Variants in RYR3 observed in about 807,000 individuals in gnomAD.
RYR3 encodes the protein brain ryanodine receptor-calcium release channel.
A neutral mutation model predicts 584.3 loss-of-function variants in RYR3; 207 were observed. That is an observed-to-expected ratio of 0.35 (90% CI 0.32 to 0.40). The LOEUF (loss-of-function observed/expected upper bound fraction) is 0.40, where lower values mean the gene tolerates loss of function less well. Ranked by LOEUF, RYR3 falls within the 10% of genes least tolerant of loss-of-function variation. The probability of loss-of-function intolerance (pLI) is 1.00; values close to 1 mark genes in which losing one functional copy is unlikely to be tolerated. For missense variants in RYR3, 5,616 were observed against 6,089.2 expected (o/e 0.92, Z 2.59); for synonymous variants, 2,416 against 2,248.5 (o/e 1.07, Z -2.11).
Position 33,674,610 on chromosome 15 carries a change from G to A in RYR3, c.5860+4054G>A, listed in dbSNP as rs548510181. On this transcript the variant is annotated intron_variant, in intron 38 of 103. Transcript: ENST00000634891. ...AGGCTCATAAAAAAGAAGAAAACAG[G>A]GACCTTTCAGAAAAAGGAGGAAATG... 2.6e-5 allele frequency among the ~76,000 whole-genome samples: 4 copies of A among 152,140 alleles called. No individual in the cohort carries two copies. The East Asian group carries it at 7.7e-4, about 29-fold the overall frequency.
chr15:33,484,834 G>T (rs1462910841), intron 2 of RYR3, among the ~76,000 whole-genome samples: 1 of 152,144 alleles, frequency 6.6e-6, no homozygotes, highest in Non-Finnish European at 1.5e-5. Flanking sequence ...AAGCCTGTAA[G>T]ACATCCAACA....
chr15:33,608,832 C>T (rs2060032037), intron 18 of RYR3, among the ~76,000 whole-genome samples: 1 of 152,206 alleles, frequency 6.6e-6, no homozygotes, highest in Non-Finnish European at 1.5e-5. Context: ...TGTCTTTCAC[C>T]ACGAGGGCAT....
At chr15:33,326,103 C>T (rs769061488) in intron 1 of RYR3, among the ~76,000 whole-genome samples, 6 of 152,126 alleles carry the variant, frequency 3.9e-5, no homozygotes, top group Admixed American at 6.5e-5. Flanking sequence ...CATGCCCGGC[C>T]TATTTCTTTC....
chr15:33,807,794 A>G (rs2076284764), intron 70 of RYR3: 1 of 576,576 alleles, frequency 1.7e-6, no homozygotes, highest in Admixed American at 3.0e-5. Flanking sequence ...GCCTCACCCT[A>G]ACCGAGGTCT....
chr15:33,824,524 TAGA>T (rs1362516530), intron 81 of RYR3, among the ~76,000 whole-genome samples: 2 of 152,152 alleles, frequency 1.3e-5, no homozygotes, highest in Non-Finnish European at 2.9e-5. Context: ...TAAACCAAAG[TAGA>T]AGGATAGTTT....
intron 5 of RYR3, among the ~76,000 whole-genome samples, chr15:33,534,446 TTGTCAG>T (rs2055153722): frequency 6.6e-6 from 1 of 152,212 alleles, no homozygotes; most frequent in East Asian, 1.9e-4. Context: ...CTCACTGTAT[TTGTCAG>T]TGTCATTTAA....
intron 43 of RYR3, among the ~76,000 whole-genome samples, chr15:33,713,962 A>G (rs1286884779): frequency 6.6e-6 from 1 of 152,058 alleles, no homozygotes; most frequent in Non-Finnish European, 1.5e-5. Context: ...TTCAACATGA[A>G]TTTTGGAGGG....
intron 12 of RYR3, among the ~76,000 whole-genome samples, chr15:33,573,356 C>T (rs2058134345): frequency 6.6e-6 from 1 of 152,074 alleles, no homozygotes; most frequent in South Asian, 2.1e-4. Context: ...ATGCTGTGTG[C>T]ACACGGAAAC....
At chr15:33,837,111 C>T in intron 88 of RYR3, 124 bp downstream of exon 88, 1 of 734,842 alleles carries the variant, frequency 1.4e-6, no homozygotes, top group South Asian at 2.2e-5. Flanking sequence ...GTCAGAAAGC[C>T]AAATTTTCAG....
intron 2 of RYR3, among the ~76,000 whole-genome samples, chr15:33,484,019 G>A (rs536775689): frequency 7.9e-5 from 12 of 152,222 alleles, no homozygotes; most frequent in African/African-American, 2.4e-4. Context: ...GCTCCCTGGT[G>A]CCTTCAAATA....
At chr15:33,802,300 G>T (rs140094218) in intron 69 of RYR3, among the ~76,000 whole-genome samples, 2 of 152,202 alleles carry the variant, frequency 1.3e-5, no homozygotes, top group African/African-American at 4.8e-5. Context: ...CAATACACAT[G>T]CCTAGAACCA....
At chr15:33,665,564 C>T (rs1305985516) in intron 36 of RYR3, among the ~76,000 whole-genome samples, 3 of 152,200 alleles carry the variant, frequency 2.0e-5, no homozygotes, top group Admixed American at 6.5e-5. Flanking sequence ...ACACTGTCCT[C>T]GTGGATATAG....
chr15:33,579,970 T>A lies in RYR3; in HGVS notation c.1269-6T>A. Reference sequence around the variant, plus strand: ...GCCTAAACCATGTCAATCTCATGGTTTTTAGCGGAAACAATCGCACAGCTG... The same window carrying A: ...GCCTAAACCATGTCAATCTCATGGTATTTAGCGGAAACAATCGCACAGCTG... On this transcript the variant is annotated splice_polypyrimidine_tract_variant and splice_region_variant and intron_variant, in intron 12 of 103. Coordinates refer to ENST00000634891, the MANE Select transcript of RYR3 (RefSeq NM_001036.6). 6.2e-7 allele frequency: 1 copy of A among 1,605,612 alleles called. No individual in the cohort carries two copies. Among genetic ancestry groups the A allele is most frequent in the Non-Finnish European group, 8.5e-7 (1 of 1,175,368 alleles).
intron 70 of RYR3, 81 bp from the exon 71 acceptor site, chr15:33,810,398 G>C: frequency 6.9e-7 from 1 of 1,452,432 alleles, no homozygotes; most frequent in African/African-American, 1.4e-5. Context: ...GCCACAAGGA[G>C]GCAGGCTGCC....
At chr15:33,717,009 G>T (rs1335582440) in intron 43 of RYR3, among the ~76,000 whole-genome samples, 2 of 152,100 alleles carry the variant, frequency 1.3e-5, no homozygotes, top group African/African-American at 4.8e-5. Flanking sequence ...CTGACTTCAG[G>T]TTTCTATGGC....
In RYR3 at chr15:33,633,548, C is replaced by T. The variant is rs190640559; in HGVS notation, c.3027+440C>T. 1.6e-3 allele frequency among the ~76,000 whole-genome samples: 239 copies of T among 152,290 alleles called. 1 individual carries two copies. The highest frequency in any genetic ancestry group is 5.1e-3 in the Admixed American group (78 of 15,302). On this transcript the variant is annotated intron_variant, in intron 24 of 103. Coordinates refer to ENST00000634891, the MANE Select transcript of RYR3 (RefSeq NM_001036.6). ...CACCTCTTTCCTTGAGATGGTTTCT[C>T]TCATCTTAGTAATCACCAATGGTAG...
At chr15:33,611,514 C>T (rs141302633) in intron 18 of RYR3, among the ~76,000 whole-genome samples, 2,368 of 151,738 alleles carry the variant, frequency 0.016, 58 homozygotes, top group African/African-American at 0.051. Context: ...CCAGATTGTG[C>T]CACTGCACTC....
At position 33,548,165 on chromosome 15, in the gene RYR3, G is replaced by C; in HGVS notation, c.776G>C (p.Arg259Pro). 1 of 1,612,788 alleles carries C rather than the reference G, an allele frequency of 6.2e-7. No individual in the cohort carries two copies. The highest frequency in any genetic ancestry group is 1.3e-5 in the African/African-American group (1 of 75,024). The change falls in exon 9 of 104, where the codon CGA becomes CCA. Residue 259 changes from arginine (R) to proline (P), a missense_variant. Coordinates refer to ENST00000634891, the MANE Select transcript of RYR3 (RefSeq NM_001036.6). ...IFYEAGGAGT[R>P]ARSLWRVEPL... is the part of the protein sequence containing the mutation. ...TACGAAGCTGGGGGAGCTGGGACTC[G>C]AGCCAGGTCTCTTTGGAGAGTGGAA...
At chr15:33,418,763 T>A (rs1184785816) in intron 1 of RYR3, among the ~76,000 whole-genome samples, 1 of 152,126 alleles carries the variant, frequency 6.6e-6, no homozygotes, top group East Asian at 1.9e-4. Flanking sequence ...GGGGTAGAGA[T>A]AAAGCCAAGG....
Sources: gnomAD v4.1 joint callset for allele counts (sites outside exome capture counted in the v4.1 genomes callset) on GRCh38, gnomAD v4.1.1 for gene constraint, MANE v1.5 for transcripts, NCBI Gene and HGNC (gene_info 2026-07-23, HGNC 2026-07-21) for gene names.